RBPMS: variants seen among roughly 807,000 people sequenced by gnomAD.
RBPMS encodes the protein RNA binding protein, mRNA processing factor, also known as RNA-binding protein with multiple splicing.
RBPMS carries 7 observed loss-of-function variants against 26.8 expected under a neutral mutation model. That is an observed-to-expected ratio of 0.26 (90% CI 0.15 to 0.49). The LOEUF is 0.49. Ranked by LOEUF, RBPMS falls within the 20% of genes least tolerant of loss-of-function variation. The pLI is 0.98. For missense variants in RBPMS, 186 were observed against 250.0 expected (o/e 0.74, Z 1.73); for synonymous variants, 96 against 93.3 (o/e 1.03, Z -0.17).
chr8:30,523,821 G>C (rs10503870), intron 5 of RBPMS, among the ~76,000 whole-genome samples: 37,184 of 151,898 alleles, frequency 0.24, 4,897 homozygotes, highest in East Asian at 0.4. Flanking sequence ...GACTTTATAA[G>C]TGGATTATCT....
At chr8:30,547,437 C>T (rs1201573980) in intron 6 of RBPMS, 1 of 1,584,634 alleles carries the variant, frequency 6.3e-7, no homozygotes, top group African/African-American at 1.4e-5. Flanking sequence ...TGTTTGTTAG[C>T]TATTTTCCCC....
chr8:30,477,029 GT>G (rs1817768660), intron 2 of RBPMS, among the ~76,000 whole-genome samples: 1 of 152,174 alleles, frequency 6.6e-6, no homozygotes, highest in Non-Finnish European at 1.5e-5. Flanking sequence ...ATTTCTGGCA[GT>G]TTTGAAAATG....
chr8:30,490,427 G>A (rs984622190), intron 4 of RBPMS, among the ~76,000 whole-genome samples: 1 of 151,948 alleles, frequency 6.6e-6, no homozygotes, highest in Non-Finnish European at 1.5e-5. Context: ...AGCAGCCAGT[G>A]AGATTCCTGA....
Position 30,461,060 on chromosome 8 carries a change from AG to A in RBPMS, c.67-13718del, listed in dbSNP as rs1290541326. Among the ~76,000 whole-genome samples the A allele has an allele frequency of 7.9e-4, 112 of 141,960 alleles. 1 individual carries two copies. The highest frequency in any genetic ancestry group is 3.0e-3 in the African/African-American group (107 of 35,462). The allele number at this position is 141,960 out of a possible 152,430, so 93.1% of individuals were successfully genotyped here. On this transcript the variant is annotated intron_variant, in intron 1 of 8. Transcript: ENST00000397323. ...AGACCCCATCTGAAAAAAAAAAAAA[AG>A]AAATTAACGGGAAAAAGACCAGTCT...
intron 1 of RBPMS, among the ~76,000 whole-genome samples, chr8:30,461,895 C>G (rs1370931255): frequency 1.3e-5 from 2 of 152,342 alleles, no homozygotes; most frequent in East Asian, 3.9e-4. Flanking sequence ...CAAGTCCCCA[C>G]TACAGAGATC....
intron 5 of RBPMS, among the ~76,000 whole-genome samples, chr8:30,537,948 T>C (rs1317934140): frequency 6.6e-6 from 1 of 152,180 alleles, no homozygotes; most frequent in Non-Finnish European, 1.5e-5. Context: ...AGAAGAGGAA[T>C]TGGTTTATGA....
At chr8:30,450,787 C>CAAAAAAAAAAAAAAAA (rs59577795) in intron 1 of RBPMS, among the ~76,000 whole-genome samples, 4 of 87,376 alleles carry the variant, frequency 4.6e-5, no homozygotes, top group Non-Finnish European at 8.7e-5. Flanking sequence ...TGCCTGAAAG[C>CAAAAAAAAAAAAAAAA]AAAAAAAAAA....
intron 1 of RBPMS, among the ~76,000 whole-genome samples, chr8:30,426,492 T>C (rs1811360384): frequency 6.6e-6 from 1 of 152,176 alleles, no homozygotes; most frequent in Non-Finnish European, 1.5e-5. Context: ...CGGCAGATCA[T>C]GAACATTTGG....
intron 1 of RBPMS, among the ~76,000 whole-genome samples, chr8:30,468,614 A>T (rs549645811): frequency 6.6e-6 from 1 of 152,244 alleles, no homozygotes; most frequent in Non-Finnish European, 1.5e-5. Context: ...AAATCCTTGG[A>T]TTTGCATATG....
At chr8:30,438,732 A>G (rs75043728) in intron 1 of RBPMS, among the ~76,000 whole-genome samples, 14,327 of 152,138 alleles carry the variant, frequency 0.094, 1,393 homozygotes, top group African/African-American at 0.25. Context: ...TCAAGTTCGC[A>G]TCGTATCTAT....
At chr8:30,509,197 C>G (rs1008334429) in intron 5 of RBPMS, among the ~76,000 whole-genome samples, 1 of 152,036 alleles carries the variant, frequency 6.6e-6, no homozygotes, top group African/African-American at 2.4e-5. Context: ...AAGTTAAATT[C>G]TCCTTCCTAC....
chr8:30,537,982 T>A (rs1273882248), intron 5 of RBPMS, among the ~76,000 whole-genome samples: 1 of 152,234 alleles, frequency 6.6e-6, no homozygotes, highest in Non-Finnish European at 1.5e-5. Context: ...CACTTCTCCA[T>A]GAGTTGAGTT....
At chr8:30,418,591 T>C (rs535684846) in intron 1 of RBPMS, among the ~76,000 whole-genome samples, 1 of 152,238 alleles carries the variant, frequency 6.6e-6, no homozygotes, top group South Asian at 2.1e-4. Context: ...ATTATTATTA[T>C]TTTTCGAGGC....
intron 1 of RBPMS, among the ~76,000 whole-genome samples, chr8:30,474,528 T>C (rs1817480205): frequency 6.6e-6 from 1 of 152,162 alleles, no homozygotes; most frequent in Non-Finnish European, 1.5e-5. Context: ...CATAGAAATA[T>C]TCAAGTGTTG....
intron 1 of RBPMS, among the ~76,000 whole-genome samples, chr8:30,446,378 A>G (rs1813772077): frequency 6.6e-6 from 1 of 152,222 alleles, no homozygotes; most frequent in African/African-American, 2.4e-5. Context: ...TGACACTCAA[A>G]AACTAACTTC....
At chr8:30,424,572 G>T (rs1383327875) in intron 1 of RBPMS, among the ~76,000 whole-genome samples, 1 of 152,128 alleles carries the variant, frequency 6.6e-6, no homozygotes, top group East Asian at 1.9e-4. Context: ...GCTCCGTTTG[G>T]CTGGCTAGGT....
intron 1 of RBPMS, among the ~76,000 whole-genome samples, chr8:30,473,221 T>C (rs1260846488): frequency 6.6e-6 from 1 of 152,216 alleles, no homozygotes; most frequent in Admixed American, 6.5e-5. Flanking sequence ...GAATGTTTTC[T>C]TCTTCTCCTA....
At position 30,389,816 on chromosome 8, in the gene RBPMS, A is replaced by G. The variant is rs1422607498; in HGVS notation, c.66+4658A>G. Among the ~76,000 whole-genome samples the G allele has an allele frequency of 2.0e-5, 3 of 152,186 alleles. No homozygotes were observed. In the East Asian group the frequency reaches 5.8e-4, roughly 29 times the overall value. ...AAATATGTATTATATATAAATTCATATTTATTATGTATTATACATATGTGG... is the reference window on the plus strand; with the variant it reads ...AAATATGTATTATATATAAATTCATGTTTATTATGTATTATACATATGTGG... On this transcript the variant is annotated intron_variant, in intron 1 of 8. Transcript: ENST00000397323.
At chr8:30,496,092 C>G (rs1413986769) in intron 4 of RBPMS, among the ~76,000 whole-genome samples, 3 of 151,964 alleles carry the variant, frequency 2.0e-5, no homozygotes, top group Non-Finnish European at 4.4e-5. Flanking sequence ...CCTTTTAGGA[C>G]TTTATCTTCC....
Sources: allele counts gnomAD v4.1 joint callset (sites outside exome capture counted in the v4.1 genomes callset), GRCh38; gene constraint gnomAD v4.1.1; transcripts MANE v1.5; gene names NCBI Gene and HGNC (gene_info 2026-07-23, HGNC 2026-07-21).